Variants in KALRN observed in about 807,000 individuals in gnomAD.
KALRN encodes kalirin RhoGEF kinase, also known as kalirin.
KALRN carries 70 observed loss-of-function variants against 353.7 expected under a neutral mutation model. The observed-to-expected ratio is 0.20, with a 90% CI of 0.16 to 0.24. The LOEUF (loss-of-function observed/expected upper bound fraction) is 0.24. KALRN is among the 10% of genes least tolerant of loss of function. The pLI is 1.00. For missense variants in KALRN, 2,791 were observed against 3,756.7 expected (o/e 0.74, Z 6.72); for synonymous variants, 1,391 against 1,434.8 (o/e 0.97, Z 0.69).
chr3:124,138,294 T>C (rs762389616), intron 1 of KALRN, among the ~76,000 whole-genome samples: 16 of 152,166 alleles, frequency 1.1e-4, no homozygotes, highest in Non-Finnish European at 2.2e-4. Context: ...CCTACTCTTT[T>C]CCACTCCCCC....
intron 3 of KALRN, among the ~76,000 whole-genome samples, chr3:124,257,820 A>G (rs1490121086): frequency 1.3e-5 from 2 of 152,224 alleles, no homozygotes; most frequent in East Asian, 3.8e-4. Context: ...GGGATTTAAA[A>G]GTCTGCTTTG....
At chr3:124,572,234 A>G (rs2073603638) in intron 34 of KALRN, among the ~76,000 whole-genome samples, 1 of 150,426 alleles carries the variant, frequency 6.6e-6, no homozygotes, top group Admixed American at 6.6e-5. Context: ...AGGTGGGGGA[A>G]GGGCTGCAGT....
intron 1 of KALRN, among the ~76,000 whole-genome samples, chr3:124,046,557 T>C (rs941304182): frequency 3.3e-5 from 5 of 152,204 alleles, no homozygotes; most frequent in Non-Finnish European, 7.3e-5. Context: ...ATCTGTTCAG[T>C]TGATTTCAGA....
At chr3:124,445,013 A>C (rs1475842071) in intron 19 of KALRN, among the ~76,000 whole-genome samples, 1 of 152,146 alleles carries the variant, frequency 6.6e-6, no homozygotes, top group Admixed American at 6.5e-5. Flanking sequence ...TAAAGCATAG[A>C]AAGTTGTACT....
chr3:124,581,391 CAAA>C (rs5852421), intron 34 of KALRN, among the ~76,000 whole-genome samples: 1 of 137,466 alleles, frequency 7.3e-6, no homozygotes, highest in Non-Finnish European at 1.6e-5. Flanking sequence ...AGACTCTGCT[CAAA>C]AAAAAAAAAA....
Position 124,477,332 on chromosome 3 carries a change from G to T in KALRN, c.4189G>T (p.Asp1397Tyr), listed in dbSNP as rs2061520105. 6.2e-7 allele frequency: 1 copy of T among 1,611,514 alleles called. No homozygotes were observed. The change falls in exon 27 of 60, where the codon GAT (aspartate) becomes TAT (tyrosine). Residue 1397 changes from aspartate to tyrosine, a missense_variant and splice_region_variant. Coordinates refer to ENST00000682506, the MANE Select transcript of KALRN (RefSeq NM_001388419.1). ...LILEHAGTFFDEIQQRHGLAN... is the reference protein window; with the variant it reads ...LILEHAGTFFYEIQQRHGLAN... ...CCTGGAGCATGCGGGCACCTTCTTTGATGTAAGCTGTGTTTTCCATTCTTG... is the reference window on the plus strand; with the variant it reads ...CCTGGAGCATGCGGGCACCTTCTTTTATGTAAGCTGTGTTTTCCATTCTTG...
intron 34 of KALRN, among the ~76,000 whole-genome samples, chr3:124,606,705 G>C (rs1264361292): frequency 6.6e-6 from 1 of 152,096 alleles, no homozygotes; most frequent in Non-Finnish European, 1.5e-5. Flanking sequence ...TGATGGACTA[G>C]GAGAAAATGC....
intron 1 of KALRN, among the ~76,000 whole-genome samples, chr3:124,073,682 G>A (rs1374097317): frequency 6.6e-6 from 1 of 152,122 alleles, no homozygotes; most frequent in African/African-American, 2.4e-5. Context: ...TTTAAAATAA[G>A]CATTACCACA....
At chr3:124,078,937 T>C (rs1476928570) in intron 1 of KALRN, among the ~76,000 whole-genome samples, 9 of 152,192 alleles carry the variant, frequency 5.9e-5, no homozygotes, top group African/African-American at 1.9e-4. Flanking sequence ...GTTTTCTCTT[T>C]TAAGAGCTGG....
chr3:124,719,375 G>T lies in KALRN; in HGVS notation c.8866G>T (p.Ala2956Ser). Residue 2956 changes from alanine to serine, a missense_variant, in exon 60 of 60, where the codon GCA (alanine) becomes TCA (serine). By Grantham distance (99) the Ala-to-Ser change is moderately conservative. Coordinates refer to ENST00000682506, the MANE Select transcript of KALRN (RefSeq NM_001388419.1). The surrounding 1 kb of genome is among the most constrained non-coding windows in gnomAD (Gnocchi z 5.3). ...SKIPLDTSRL[A>S]CFIERRKHQN... ...GATCCCCCTGGACACCTCCCGCCTA[G>T]CATGCTTCATAGAACGTCGCAAGCA... is the stretch of plus-strand genomic sequence containing the variant. 6.2e-7 allele frequency: 1 copy of T among 1,614,178 alleles called. No homozygotes were observed. Among genetic ancestry groups the T allele is most frequent in the Non-Finnish European group, 8.5e-7 (1 of 1,180,046 alleles).
intron 1 of KALRN, among the ~76,000 whole-genome samples, chr3:124,102,699 C>T (rs965075897): frequency 6.6e-6 from 1 of 152,162 alleles, no homozygotes; most frequent in Non-Finnish European, 1.5e-5. Context: ...AGTGGAGTTT[C>T]CCTGAGGGCA....
chr3:124,073,736 T>C (rs1446726170), intron 1 of KALRN, among the ~76,000 whole-genome samples: 10 of 152,218 alleles, frequency 6.6e-5, no homozygotes, highest in Non-Finnish European at 1.3e-4. Context: ...AACACTATTT[T>C]ACCTGTTTGG....
chr3:124,683,210 G>T (rs1201891577), intron 51 of KALRN, among the ~76,000 whole-genome samples: 1 of 152,122 alleles, frequency 6.6e-6, no homozygotes, highest in Non-Finnish European at 1.5e-5. Context: ...TTCCAGTAAG[G>T]TTAGACTGCC....
chr3:124,434,571 G>A (rs911073660), intron 17 of KALRN, 46 bp downstream of exon 17: 2 of 1,582,668 alleles, frequency 1.3e-6, no homozygotes, highest in Admixed American at 3.4e-5. Context: ...ATTGCCAGGG[G>A]GCCATTTTCT....
intron 6 of KALRN, among the ~76,000 whole-genome samples, chr3:124,324,251 T>C (rs547032278): frequency 2.6e-5 from 4 of 152,314 alleles, no homozygotes; most frequent in South Asian, 4.1e-4. Flanking sequence ...AAGGTCTGCT[T>C]TGGGGAGAAC....
chr3:124,191,790 G>A (rs138909741), intron 1 of KALRN, among the ~76,000 whole-genome samples: 1 of 152,308 alleles, frequency 6.6e-6, no homozygotes, highest in African/African-American at 2.4e-5. Flanking sequence ...GGGGCACTGG[G>A]CAGAGGCTGT....
At chr3:124,341,219 G>A (rs762608058) in intron 9 of KALRN, among the ~76,000 whole-genome samples, 15 of 152,210 alleles carry the variant, frequency 9.9e-5, no homozygotes, top group East Asian at 1.9e-4. Flanking sequence ...AAGTCAAGAC[G>A]AGAAACCAAG....
rs760533441 is a variant in KALRN at position 124,696,224 on chromosome 3, C to A, written c.7668C>A (p.Thr2556=). The A allele has an allele frequency of 1.2e-6, 2 of 1,613,946 alleles. No individual in the cohort carries two copies. Among genetic ancestry groups the A allele is most frequent in the South Asian group, 2.2e-5 (2 of 91,080 alleles). ...YTCIATNDHG[T]TSTSATVKVQ... ...GCATAGCAACAAATGACCACGGGAC[C>A]ACATCAACGTCTGCAACAGTCAAAG... The change falls in exon 54 of 60, where the codon ACC becomes ACA. Residue 2556 remains threonine (T), a synonymous_variant. Coordinates refer to ENST00000682506, the MANE Select transcript of KALRN (RefSeq NM_001388419.1).
intron 11 of KALRN, among the ~76,000 whole-genome samples, chr3:124,393,034 C>T (rs113108042): frequency 0.13 from 19,334 of 150,082 alleles, 1,461 homozygotes; most frequent in Admixed American, 0.17. Flanking sequence ...GGCACAATCT[C>T]GGCTCACTGC....
Sources: allele counts gnomAD v4.1 joint callset (sites outside exome capture counted in the v4.1 genomes callset), GRCh38; gene constraint gnomAD v4.1.1; non-coding constraint Gnocchi (gnomAD v3.1); transcripts MANE v1.5; gene names NCBI Gene and HGNC (gene_info 2026-07-23, HGNC 2026-07-21).